Variants in NRG1 observed in about 807,000 individuals in gnomAD.
The protein encoded by NRG1 is neuregulin 1.
Under a neutral mutation model 63.8 loss-of-function variants are expected in NRG1, and 18 were observed. The ratio of observed to expected loss-of-function variants is 0.28; its 90% confidence interval spans 0.19 to 0.42. NRG1 has a LOEUF of 0.42. Among genes scored for constraint, NRG1 ranks in the 10% least tolerant of loss-of-function variants. The pLI, the probability that NRG1 is intolerant of heterozygous loss-of-function variation, is 1.00. For missense variants in NRG1, 762 were observed against 814.7 expected (o/e 0.94, Z 0.79); for synonymous variants, 302 against 301.3 (o/e 1.00, Z -0.02).
intron 1 of NRG1, among the ~76,000 whole-genome samples, chr8:31,937,686 G>A (rs1049191499): frequency 2.0e-5 from 3 of 152,166 alleles, no homozygotes; most frequent in African/African-American, 7.2e-5. Context: ...TGGTGGGAGT[G>A]AGACCGGCCT....
intron 1 of NRG1, among the ~76,000 whole-genome samples, chr8:32,004,322 G>A (rs1376183055): frequency 1.3e-5 from 2 of 151,840 alleles, no homozygotes; most frequent in South Asian, 2.1e-4. Flanking sequence ...GACTGTTATG[G>A]TGGATACATT....
chr8:32,499,145 A>C (rs187437997), intron 1 of NRG1, among the ~76,000 whole-genome samples: 1 of 152,284 alleles, frequency 6.6e-6, no homozygotes, highest in African/African-American at 2.4e-5. Flanking sequence ...GATCTCACTA[A>C]ACCAGGCTCC....
At chr8:32,366,677 G>GTGTGTATATATATCTA (rs1164696498) in intron 1 of NRG1, among the ~76,000 whole-genome samples, 2 of 87,522 alleles carry the variant, frequency 2.3e-5, no homozygotes, top group Admixed American at 2.4e-4. Flanking sequence ...GTGTGTGTGT[G>GTGTGTATATATATCTA]TATATATATA....
At chr8:32,770,623 T>A (rs539010001), downstream of NRG1, among the ~76,000 whole-genome samples, 3 of 152,310 alleles carry the variant, frequency 2.0e-5, no homozygotes, top group South Asian at 6.2e-4. Flanking sequence ...AAACTTAGCT[T>A]TCTAAGGAAA....
chr8:31,807,777 A>G (rs976759154), intron 1 of NRG1, among the ~76,000 whole-genome samples: 3 of 152,056 alleles, frequency 2.0e-5, no homozygotes, highest in African/African-American at 7.2e-5. Context: ...CCATTCCACA[A>G]TTTGATTCTG....
chr8:31,982,253 G>A (rs1173727801), intron 1 of NRG1, among the ~76,000 whole-genome samples: 1 of 152,030 alleles, frequency 6.6e-6, no homozygotes, highest in African/African-American at 2.4e-5. Flanking sequence ...ATGGTGTAGA[G>A]AATAGTCATT....
chr8:31,749,934 T>C (rs1375744089), intron 1 of NRG1, among the ~76,000 whole-genome samples: 1 of 151,874 alleles, frequency 6.6e-6, no homozygotes, highest in Non-Finnish European at 1.5e-5. Context: ...GCATAATATA[T>C]GAAGACTACA....
chr8:32,453,824 C>T (rs2129488254), intron 1 of NRG1, among the ~76,000 whole-genome samples: 1 of 152,318 alleles, frequency 6.6e-6, no homozygotes, highest in South Asian at 2.1e-4. Context: ...CCCCTTGCAA[C>T]CCATCCCCAG....
chr8:32,333,259 G>A (rs1486016256), intron 1 of NRG1, among the ~76,000 whole-genome samples: 1 of 152,152 alleles, frequency 6.6e-6, no homozygotes, highest in Admixed American at 6.6e-5. Flanking sequence ...TCTTTTAGAT[G>A]TTGCTTTGCT....
intron 5 of NRG1, among the ~76,000 whole-genome samples, chr8:32,671,375 C>G (rs951043954): frequency 2.6e-5 from 4 of 152,080 alleles, no homozygotes; most frequent in South Asian, 2.1e-4. Flanking sequence ...TTAGGGAGGT[C>G]TTTGTTCCAG....
At chr8:31,777,074 C>T (rs1298154225) in intron 1 of NRG1, among the ~76,000 whole-genome samples, 1 of 152,156 alleles carries the variant, frequency 6.6e-6, no homozygotes, top group Non-Finnish European at 1.5e-5. Flanking sequence ...ACCCACTTCC[C>T]ACTTTTGTTT....
chr8:32,319,034 T>A (rs1485016363), intron 1 of NRG1, among the ~76,000 whole-genome samples: 1 of 152,106 alleles, frequency 6.6e-6, no homozygotes, highest in Non-Finnish European at 1.5e-5. Context: ...ACACCACTGA[T>A]GTTTGACGTG....
intron 1 of NRG1, among the ~76,000 whole-genome samples, chr8:31,873,999 G>T (rs542971382): frequency 6.6e-6 from 1 of 152,256 alleles, no homozygotes; most frequent in Non-Finnish European, 1.5e-5. Flanking sequence ...GTGATTTTCT[G>T]TTGGAGTCTT....
intron 1 of NRG1, among the ~76,000 whole-genome samples, chr8:32,041,368 C>G (rs1345425855): frequency 2.0e-5 from 3 of 152,176 alleles, no homozygotes; most frequent in South Asian, 2.1e-4. Context: ...CCCTGTCTGT[C>G]CTACTGAATA....
chr8:32,474,495 CT>C (rs10707813), intron 1 of NRG1, among the ~76,000 whole-genome samples: 63,318 of 132,190 alleles, frequency 0.48, 14,446 homozygotes, highest in East Asian at 0.72. Context: ...GTGATATTCC[CT>C]TTTTTTTTTT....
chr8:32,339,554 A>G (rs1036622510), intron 1 of NRG1, among the ~76,000 whole-genome samples: 1 of 152,208 alleles, frequency 6.6e-6, no homozygotes, highest in Non-Finnish European at 1.5e-5. Context: ...TTGCATAGGA[A>G]TGATCATAGT....
At chr8:32,414,522 G>T (rs572308853) in intron 1 of NRG1, among the ~76,000 whole-genome samples, 1 of 152,140 alleles carries the variant, frequency 6.6e-6, no homozygotes, top group African/African-American at 2.4e-5. Context: ...ACAGCCGTCC[G>T]TGTCAGTTGA....
intron 1 of NRG1, among the ~76,000 whole-genome samples, chr8:31,960,124 C>T (rs1805207036): frequency 6.6e-6 from 1 of 152,100 alleles, no homozygotes; most frequent in African/African-American, 2.4e-5. Flanking sequence ...TGAAAGCATT[C>T]CTGGGAATGA....
At chr8:32,428,342 C>CTTTTT (rs11415830) in intron 1 of NRG1, among the ~76,000 whole-genome samples, 2 of 146,970 alleles carry the variant, frequency 1.4e-5, no homozygotes, top group Non-Finnish European at 3.0e-5. Flanking sequence ...TGAGTGAATT[C>CTTTTT]TTTTTTTTTT....
Sources: allele counts gnomAD v4.1 joint callset (sites outside exome capture counted in the v4.1 genomes callset), GRCh38; gene constraint gnomAD v4.1.1; transcripts MANE v1.5; gene names NCBI Gene and HGNC (gene_info 2026-07-23, HGNC 2026-07-21).